The following SOS2 variants were observed in gnomAD, a reference collection of about 807,000 sequenced individuals.
The protein encoded by SOS2 is son of sevenless homolog 2.
In SOS2, 65 loss-of-function variants were observed where a neutral mutation model predicts 148.2. The observed-to-expected ratio is 0.44, with a 90% CI of 0.36 to 0.54. The LOEUF (loss-of-function observed/expected upper bound fraction) is 0.54. Ranked by LOEUF, SOS2 falls within the 20% of genes least tolerant of loss-of-function variation. The pLI, the probability that SOS2 is intolerant of heterozygous loss-of-function variation, is 0.00. For missense variants in SOS2, 1,341 were observed against 1,590.2 expected, an observed-to-expected ratio of 0.84 and a Z score of 2.67; for synonymous variants, 539 against 537.1, an observed-to-expected ratio of 1.00 and a Z score of -0.05.
intron 16 of SOS2, among the ~76,000 whole-genome samples, chr14:50,143,329 G>A (rs1328861184): frequency 2.7e-3 from 340 of 126,634 alleles, no homozygotes; most frequent in Middle Eastern, 4.1e-3. Flanking sequence ...GACTCTTTAG[G>A]AAAAAAAAAA....
At chr14:50,195,881 G>C (rs1346473639) in intron 4 of SOS2, among the ~76,000 whole-genome samples, 2 of 152,060 alleles carry the variant, frequency 1.3e-5, no homozygotes, top group Non-Finnish European at 2.9e-5. Context: ...ACAAAAATCA[G>C]CCAGGCATGG....
intron 5 of SOS2, among the ~76,000 whole-genome samples, chr14:50,187,727 A>G (rs571810071): frequency 1.3e-5 from 2 of 152,216 alleles, no homozygotes; most frequent in Non-Finnish European, 2.9e-5. Flanking sequence ...AAGAAAAAAA[A>G]CTTTTTTGTT....
rs757222020 is a variant in SOS2, at chr14:50,118,393, G to A, written c.3950C>T (p.Pro1317Leu). 6.2e-7 allele frequency: 1 copy of A among 1,614,152 alleles called. No individual in the cohort carries two copies. The highest frequency in any genetic ancestry group is 8.5e-7 in the Non-Finnish European group (1 of 1,180,028). The change falls in exon 23 of 23, where the codon CCC (proline) becomes CTC (leucine). Residue 1317 changes from proline to leucine, a missense_variant. Coordinates refer to ENST00000216373, the MANE Select transcript of SOS2 (RefSeq NM_006939.4). ...TAGCAAAGGCAGTCTGTACAATGGG[G>A]GGTGCGAAAGCTCCCGTTTGTAAGT... Reference protein sequence around the residue: ...PKTYKRELSHPPLYRLPLLEN... With the variant: ...PKTYKRELSHLPLYRLPLLEN...
At chr14:50,142,700 T>G (rs1884337402) in intron 16 of SOS2, among the ~76,000 whole-genome samples, 1 of 152,196 alleles carries the variant, frequency 6.6e-6, no homozygotes, top group Admixed American at 6.5e-5. Flanking sequence ...GAGGATGTAT[T>G]TAATCATTCT....
intron 21 of SOS2, among the ~76,000 whole-genome samples, chr14:50,129,286 A>C (rs1435788684): frequency 2.0e-5 from 3 of 152,238 alleles, no homozygotes; most frequent in Non-Finnish European, 2.9e-5. Context: ...CCATGGGAAA[A>C]TGATTTGAAA....
At chr14:50,192,008 C>T (rs1445893048) in intron 4 of SOS2, among the ~76,000 whole-genome samples, 1 of 151,664 alleles carries the variant, frequency 6.6e-6, no homozygotes. Context: ...TAAACACAGC[C>T]AGGCATGGTG....
intron 1 of SOS2, among the ~76,000 whole-genome samples, chr14:50,211,918 C>T (rs1229476881): frequency 2.6e-5 from 4 of 151,978 alleles, no homozygotes; most frequent in African/African-American, 9.7e-5. Flanking sequence ...AATATTCATC[C>T]AGAATGGGAC....
At chr14:50,135,071 C>CAAAAAAAAAAAAAAAAAAAAAA (rs746540364) in intron 18 of SOS2, among the ~76,000 whole-genome samples, 2 of 57,516 alleles carry the variant, frequency 3.5e-5, no homozygotes, top group Non-Finnish European at 6.7e-5. Flanking sequence ...GAGACTGTCT[C>CAAAAAAAAAAAAAAAAAAAAAA]AAAAAAAAAA....
intron 6 of SOS2, 80 bp downstream of exon 6, chr14:50,182,383 T>C (rs924732882): frequency 7.8e-7 from 1 of 1,280,430 alleles, no homozygotes; most frequent in African/African-American, 1.5e-5. Flanking sequence ...GGTCTCACTA[T>C]GTTGCCAAGA....
intron 2 of SOS2, among the ~76,000 whole-genome samples, chr14:50,201,532 G>GAAAAAAAA (rs11342999): frequency 1.5e-4 from 14 of 90,552 alleles, no homozygotes; most frequent in Non-Finnish European, 1.3e-4. Context: ...ACCCCCAACA[G>GAAAAAAAA]AAAAAAAAAA....
chr14:50,171,069 G>C (rs7161477), intron 8 of SOS2, among the ~76,000 whole-genome samples: 1 of 150,692 alleles, frequency 6.6e-6, no homozygotes, highest in East Asian at 2.0e-4. Flanking sequence ...AGCCAAGATC[G>C]TGCCATTGCA....
chr14:50,202,559 C>T (rs1025081871), intron 2 of SOS2, among the ~76,000 whole-genome samples: 1 of 151,974 alleles, frequency 6.6e-6, no homozygotes, highest in Admixed American at 6.6e-5. Context: ...TGTAGGGAGA[C>T]CCTGTCTCTA....
At chr14:50,183,422 A>G (rs1028328432) in intron 5 of SOS2, among the ~76,000 whole-genome samples, 12 of 152,128 alleles carry the variant, frequency 7.9e-5, no homozygotes, top group South Asian at 6.2e-4. Context: ...AGTTAAGGGT[A>G]TATCTTCATT....
At position 50,188,448 on chromosome 14, in the gene SOS2, G is replaced by T. The variant is rs1432642291; in HGVS notation, c.714+49C>A. 5.0e-6 allele frequency: 6 copies of T among 1,198,612 alleles called. No homozygotes were observed. The African/African-American group carries it at 6.1e-5, about 12-fold the overall frequency. The allele number at this position is 1,198,612 out of a possible 1,614,324, so 74.2% of individuals were successfully genotyped here. On this transcript the variant is annotated intron_variant, in intron 5 of 22. Coordinates refer to ENST00000216373, the MANE Select transcript of SOS2 (RefSeq NM_006939.4). ...AGTGACTATTTATGATTTTAAGCTG[G>T]TCTGGTTTTTTGGGGTACACAGAAT... is the stretch of plus-strand genomic sequence containing the variant.
chr14:50,180,712 G>T, intron 6 of SOS2, 30 bp from the exon 7 acceptor site: 1 of 1,236,664 alleles, frequency 8.1e-7, no homozygotes. Flanking sequence ...AAAAGCATTA[G>T]GTTTAAAAGA....
At chr14:50,153,988 TTTTG>T (rs964968588) in intron 12 of SOS2, among the ~76,000 whole-genome samples, 3 of 91,624 alleles carry the variant, frequency 3.3e-5, no homozygotes, top group African/African-American at 1.6e-4. Flanking sequence ...AATAGAACTG[TTTTG>T]TTTTACAGTA....
At chr14:50,166,167 C>A (rs1039884373) in intron 8 of SOS2, among the ~76,000 whole-genome samples, 7 of 152,098 alleles carry the variant, frequency 4.6e-5, no homozygotes, top group Non-Finnish European at 8.8e-5. Flanking sequence ...AGAAAAGATA[C>A]CCTTGCTACA....
At chr14:50,166,539 A>T (rs560490826) in intron 8 of SOS2, among the ~76,000 whole-genome samples, 6 of 152,148 alleles carry the variant, frequency 3.9e-5, no homozygotes, top group Non-Finnish European at 8.8e-5. Flanking sequence ...TTAATGGGTA[A>T]TATCTTATGA....
At chr14:50,191,238 G>A (rs969482767) in intron 4 of SOS2, among the ~76,000 whole-genome samples, 1 of 152,098 alleles carries the variant, frequency 6.6e-6, no homozygotes, top group African/African-American at 2.4e-5. Flanking sequence ...GCCGAGGCAG[G>A]AGGATCACTT....
Sources: allele counts gnomAD v4.1 joint callset (sites outside exome capture counted in the v4.1 genomes callset), GRCh38; gene constraint gnomAD v4.1.1; transcripts MANE v1.5; gene names NCBI Gene and HGNC (gene_info 2026-07-23, HGNC 2026-07-21).